Variants in DNAH6 observed in about 807,000 individuals in gnomAD.
The protein encoded by DNAH6 is dynein axonemal heavy chain 6, also known as axonemal beta dynein heavy chain 6.
Under a neutral mutation model 491.4 loss-of-function variants are expected in DNAH6, and 340 were observed. The observed-to-expected ratio is 0.69, with a 90% CI of 0.63 to 0.76. The LOEUF (loss-of-function observed/expected upper bound fraction) is 0.76, where lower values mean the gene tolerates loss of function less well. Ranked by LOEUF, DNAH6 falls within the 30% of genes least tolerant of loss-of-function variation. The probability of loss-of-function intolerance (pLI) is 0.00; values close to 1 mark genes in which losing one functional copy is unlikely to be tolerated. For synonymous variants in DNAH6, 1,603 were observed against 1,686.1 expected, an observed-to-expected ratio of 0.95 and a Z score of 1.21; for missense variants, 4,443 against 4,972.2, an observed-to-expected ratio of 0.89 and a Z score of 3.20.
At chr2:84,516,329 C>G (rs1454300561), upstream of DNAH6, 1 of 152,240 alleles carries the variant, frequency 6.6e-6, no homozygotes, top group Non-Finnish European at 1.5e-5. Context: ...TGCGGCTTCT[C>G]CAACAATCAG....
At chr2:84,616,806 A>T in intron 22 of DNAH6, 80 bp from the exon 23 acceptor site, 1 of 615,834 alleles carries the variant, frequency 1.6e-6, no homozygotes, top group Non-Finnish European at 2.6e-6. Flanking sequence ...TAAATTGATT[A>T]CATTTTAAAG....
chr2:84,530,797 G>C (rs1677094930), intron 4 of DNAH6, among the ~76,000 whole-genome samples: 1 of 152,160 alleles, frequency 6.6e-6, no homozygotes, highest in Admixed American at 6.5e-5. Flanking sequence ...GTGTAGGGTA[G>C]ACAACCAGAA....
chr2:84,689,162 C>T (rs1694597996), intron 45 of DNAH6, among the ~76,000 whole-genome samples: 1 of 152,202 alleles, frequency 6.6e-6, no homozygotes, highest in Non-Finnish European at 1.5e-5. Context: ...CAACATCTGC[C>T]TCCTGTGCTT....
At chr2:84,759,616 A>G (rs1674376576) in intron 63 of DNAH6, among the ~76,000 whole-genome samples, 1 of 152,206 alleles carries the variant, frequency 6.6e-6, no homozygotes, top group Non-Finnish European at 1.5e-5. Context: ...GAAATTGTGA[A>G]TGACAGAAAT....
At chr2:84,787,353 T>C in intron 68 of DNAH6, 51 bp downstream of exon 68, 1 of 1,472,020 alleles carries the variant, frequency 6.8e-7, no homozygotes, top group Non-Finnish European at 9.2e-7. Context: ...ACAAAGTTGT[T>C]GGTTTACTCC....
chr2:84,705,262 C>A (rs1696315761), intron 51 of DNAH6, among the ~76,000 whole-genome samples: 1 of 152,136 alleles, frequency 6.6e-6, no homozygotes, highest in African/African-American at 2.4e-5. Flanking sequence ...TTTTGTAATT[C>A]TTTCTCTACC....
intron 35 of DNAH6, among the ~76,000 whole-genome samples, chr2:84,655,051 A>G (rs891417217): frequency 7.2e-5 from 11 of 152,154 alleles, no homozygotes; most frequent in Admixed American, 4.6e-4. Context: ...CAGACTAGAA[A>G]CACAAGCCAC....
upstream of DNAH6, among the ~76,000 whole-genome samples, chr2:84,513,947 A>T (rs1322456648): frequency 6.6e-6 from 1 of 152,110 alleles, no homozygotes; most frequent in African/African-American, 2.4e-5. Context: ...GTTTTTTCCT[A>T]GTCCAACCTA....
At chr2:84,694,520 T>G (rs1695197272) in intron 46 of DNAH6, 40 bp downstream of exon 46, 2 of 1,418,778 alleles carry the variant, frequency 1.4e-6, no homozygotes, top group Non-Finnish European at 1.9e-6. Context: ...ACAGGAAATG[T>G]ATGGGTGTTA....
At chr2:84,775,969 TATTA>T (rs1461669236) in intron 64 of DNAH6, among the ~76,000 whole-genome samples, 2 of 152,142 alleles carry the variant, frequency 1.3e-5, no homozygotes, top group Non-Finnish European at 2.9e-5. Context: ...CAAACTGTTT[TATTA>T]ATTCTTTTAT....
At chr2:84,751,682 T>G (rs1020967951) in intron 63 of DNAH6, among the ~76,000 whole-genome samples, 2 of 152,184 alleles carry the variant, frequency 1.3e-5, no homozygotes, top group Admixed American at 6.5e-5. Flanking sequence ...TGAATAAAGC[T>G]TGCTTGATAG....
rs573623334 is a variant in DNAH6, at chr2:84,591,814, C to T, written c.2611-2158C>T. Among the ~76,000 whole-genome samples, 26 of 152,268 alleles carry T rather than the reference C, an allele frequency of 1.7e-4. 1 individual carries two copies. The South Asian group carries it at 3.9e-3, about 23-fold the overall frequency. On this transcript the variant is annotated intron_variant, in intron 16 of 76. Coordinates refer to ENST00000389394, the MANE Select transcript of DNAH6 (RefSeq NM_001370.2). ...ACCGCAAAACAACAAATATGGTCAA[C>T]GCATCTATGGCAAAGGTGCCAAAAA...
intron 15 of DNAH6, among the ~76,000 whole-genome samples, chr2:84,587,311 G>T (rs1683656756): frequency 6.6e-6 from 1 of 152,148 alleles, no homozygotes; most frequent in African/African-American, 2.4e-5. Flanking sequence ...GCTTCATAGT[G>T]TTCCGTGTGT....
chr2:84,577,372 A>G lies in DNAH6; in HGVS notation c.2040A>G (p.Arg680=). ...GLLLIDTRLL[R]EKLIPSPLRC... is the part of the protein sequence containing the mutation. ...TGCTCATTGATACTAGGCTTCTAAGAGAAAAATTAATTCCATCACCTTTGC... is the reference window on the plus strand; with the variant it reads ...TGCTCATTGATACTAGGCTTCTAAGGGAAAAATTAATTCCATCACCTTTGC... The change falls in exon 13 of 77, where the codon AGA becomes AGG. Residue 680 remains arginine (R), a synonymous_variant. Transcript: ENST00000389394. The G allele has an allele frequency of 6.2e-7, 1 of 1,610,434 alleles. No individual in the cohort carries two copies. The highest frequency in any genetic ancestry group is 8.5e-7 in the Non-Finnish European group (1 of 1,178,178).
At chr2:84,632,059 T>A (rs1688451270) in intron 29 of DNAH6, among the ~76,000 whole-genome samples, 1 of 152,220 alleles carries the variant, frequency 6.6e-6, no homozygotes. Flanking sequence ...ATCTTTGGCC[T>A]GTAGGCATTG....
chr2:84,729,933 A>G (rs931913584), intron 61 of DNAH6, among the ~76,000 whole-genome samples: 3 of 152,236 alleles, frequency 2.0e-5, no homozygotes, highest in Non-Finnish European at 2.9e-5. Context: ...ACTTCCATGC[A>G]TAAAACTTTT....
Position 84,544,282 on chromosome 2 carries a change from C to G in DNAH6, c.712C>G (p.Gln238Glu). 1 of 1,519,608 alleles carries G rather than the reference C, an allele frequency of 6.6e-7. No homozygotes were observed. 94.1% of individuals were successfully genotyped at this position (1,519,608 alleles called of 1,614,324 possible). The change falls in exon 5 of 77, where the codon CAA (glutamine) becomes GAA (glutamate). Residue 238 changes from glutamine (Q) to glutamate (E), a missense_variant. Physicochemically the swap from Gln to Glu is conservative, Grantham distance 29. Around this residue, in one of 3 missense-constraint regions of DNAH6, gnomAD observed 2,977 missense variants for 3,296.6 expected, o/e 0.90. Coordinates refer to ENST00000389394, the MANE Select transcript of DNAH6 (RefSeq NM_001370.2). ...TAAAAATGACTACTATACTATTAGC[C>G]AAAGGGCAGTAACACACATTTATAA... ...INKNDYYTIS[Q>E]RAVTHIYNED... is the part of the protein sequence containing the mutation.
At chr2:84,613,951 C>T (rs969722845) in intron 22 of DNAH6, among the ~76,000 whole-genome samples, 5 of 151,884 alleles carry the variant, frequency 3.3e-5, no homozygotes, top group Admixed American at 1.3e-4. Context: ...TAAATTATCT[C>T]GTTATTTTTC....
chr2:84,667,444 G>A (rs146105336), intron 37 of DNAH6, among the ~76,000 whole-genome samples: 1,784 of 152,268 alleles, frequency 0.012, 35 homozygotes, highest in African/African-American at 0.039. Flanking sequence ...GGCGAAGGAT[G>A]TGAACAGATA....
Sources: allele counts gnomAD v4.1 joint callset (sites outside exome capture counted in the v4.1 genomes callset), GRCh38; gene constraint gnomAD v4.1.1; regional missense constraint gnomAD v4.1.1; transcripts MANE v1.5; gene names NCBI Gene and HGNC (gene_info 2026-07-23, HGNC 2026-07-21).